Variants in MYO5B observed in about 807,000 individuals in gnomAD.
MYO5B encodes the protein unconventional myosin-Vb.
MYO5B carries 143 observed loss-of-function variants against 229.3 expected under a neutral mutation model. That is an observed-to-expected ratio of 0.62 (90% CI 0.54 to 0.72). MYO5B has a LOEUF of 0.72. Among genes scored for constraint, MYO5B ranks in the 30% least tolerant of loss-of-function variants. MYO5B has a pLI of 0.00. For synonymous variants in MYO5B, 918 were observed against 885.2 expected, an observed-to-expected ratio of 1.04 and a Z score of -0.66; for missense variants, 2,321 against 2,331.0, an observed-to-expected ratio of 1.00 and a Z score of 0.09.
chr18:49,915,851 C>G (rs2025007734), intron 17 of MYO5B, among the ~76,000 whole-genome samples: 1 of 152,204 alleles, frequency 6.6e-6, no homozygotes, highest in Non-Finnish European at 1.5e-5. Context: ...CTGAATTTCT[C>G]CCAGGCTCTT....
chr18:50,069,856 C>G lies in MYO5B; in HGVS notation c.28-14478G>C, dbSNP rs551264879. ...ATATTCAAGTTTAATTGAAGAGTTC[C>G]AACCAATCACCAAGACCTGTTTGTT... is the stretch of plus-strand genomic sequence containing the variant. On this transcript the variant is annotated intron_variant, in intron 1 of 39. Coordinates refer to ENST00000285039, the MANE Select transcript of MYO5B (RefSeq NM_001080467.3). Among the ~76,000 whole-genome samples, 12 of 152,176 alleles carry G rather than the reference C, an allele frequency of 7.9e-5. No homozygotes were observed. The East Asian group carries it at 2.3e-3, about 29-fold the overall frequency.
At chr18:50,054,225 C>T (rs1024310248) in intron 2 of MYO5B, among the ~76,000 whole-genome samples, 2 of 152,168 alleles carry the variant, frequency 1.3e-5, no homozygotes, top group African/African-American at 4.8e-5. Context: ...CTTCCCAAAA[C>T]CCCCTCTCCT....
chr18:50,176,982 A>G (rs2144342068), intron 1 of MYO5B, among the ~76,000 whole-genome samples: 1 of 152,344 alleles, frequency 6.6e-6, no homozygotes, highest in East Asian at 1.9e-4. Flanking sequence ...ATTGTAGCTA[A>G]CACCTATTCA....
intron 4 of MYO5B, among the ~76,000 whole-genome samples, chr18:50,007,661 C>T (rs935842809): frequency 8.5e-5 from 13 of 152,220 alleles, no homozygotes; most frequent in African/African-American, 2.4e-4. Flanking sequence ...TTCTCTCCCA[C>T]GTTGCAGTGG....
intron 4 of MYO5B, among the ~76,000 whole-genome samples, chr18:50,023,587 T>C (rs188468742): frequency 2.3e-3 from 344 of 152,148 alleles, no homozygotes; most frequent in Middle Eastern, 0.01. Context: ...CTTAGAAAAA[T>C]TGAAATATAT....
rs2023804580 is a variant in MYO5B at position 49,823,820 on chromosome 18, G to A, written c.*2651C>T. Reference sequence around the variant, plus strand: ...ATGTGTACATTCACATTTACTATAAGTAAACAGGTCCCGTATAATACTTAA... The same window carrying A: ...ATGTGTACATTCACATTTACTATAAATAAACAGGTCCCGTATAATACTTAA... On this transcript the variant is annotated 3_prime_UTR_variant, in exon 40 of 40. Coordinates refer to ENST00000285039, the MANE Select transcript of MYO5B (RefSeq NM_001080467.3). 6.6e-6 allele frequency: 1 copy of A among 152,520 alleles called. No individual in the cohort carries two copies. Among genetic ancestry groups the A allele is most frequent in the South Asian group, 2.1e-4 (1 of 4,826 alleles). 9.4% of individuals were successfully genotyped at this position (152,520 alleles called of 1,614,324 possible).
chr18:50,020,022 C>G (rs2144356683), intron 4 of MYO5B, among the ~76,000 whole-genome samples: 1 of 152,246 alleles, frequency 6.6e-6, no homozygotes, highest in African/African-American at 2.4e-5. Flanking sequence ...ACATCACACT[C>G]CAGCTCACCA....
Position 49,843,495 on chromosome 18 carries a change from A to T in MYO5B, c.4460-103T>A, listed in dbSNP as rs547270750. On this transcript the variant is annotated intron_variant, in intron 33 of 39. Coordinates refer to ENST00000285039, the MANE Select transcript of MYO5B (RefSeq NM_001080467.3). ...AGACGTGTTTTCAATATTTCCCCAT[A>T]GCTCATCTAGGAATAGATGTCTCAA... 65 of 1,406,578 alleles carry T rather than the reference A, an allele frequency of 4.6e-5. 1 individual carries two copies. In the South Asian group the frequency reaches 7.7e-4, roughly 17 times the overall value. 87.1% of individuals were successfully genotyped at this position (1,406,578 alleles called of 1,614,324 possible). A position where few individuals can be genotyped will look rare whatever the true frequency, so the allele number is the denominator to read the frequency against.
intron 9 of MYO5B, among the ~76,000 whole-genome samples, chr18:49,975,093 G>A (rs1351941653): frequency 6.6e-6 from 1 of 152,150 alleles, no homozygotes; most frequent in African/African-American, 2.4e-5. Context: ...CATCTGCTGA[G>A]GTATGCATGC....
intron 10 of MYO5B, chr18:49,970,720 G>C (rs1301492684): frequency 6.6e-6 from 1 of 152,166 alleles, no homozygotes; most frequent in Admixed American, 6.5e-5. Context: ...GAATGCCCTA[G>C]ATAGGCACTG....
intron 1 of MYO5B, among the ~76,000 whole-genome samples, chr18:50,150,632 A>G (rs1489069711): frequency 6.6e-6 from 1 of 152,154 alleles, no homozygotes; most frequent in Non-Finnish European, 1.5e-5. Context: ...GAATTGAACA[A>G]TGGGAACACA....
intron 10 of MYO5B, among the ~76,000 whole-genome samples, chr18:49,969,141 ATCT>A (rs2144271772): frequency 6.6e-6 from 1 of 152,298 alleles, no homozygotes; most frequent in Admixed American, 6.5e-5. Flanking sequence ...ATGTCCAGGG[ATCT>A]TCTGGGCTGT....
intron 1 of MYO5B, among the ~76,000 whole-genome samples, chr18:50,088,215 T>C (rs2031372989): frequency 1.3e-5 from 2 of 152,144 alleles, no homozygotes; most frequent in Non-Finnish European, 2.9e-5. Context: ...AGGTGGACCA[T>C]GGAGGACCCC....
At chr18:49,856,913 C>T (rs1190167591) in intron 29 of MYO5B, 23 bp from the exon 30 acceptor site, 1 of 1,585,920 alleles carries the variant, frequency 6.3e-7, no homozygotes, top group African/African-American at 1.3e-5. Flanking sequence ...GACAGAAAAA[C>T]AGGGTGTCCA....
chr18:49,989,610 A>G (rs2025907642), intron 7 of MYO5B, among the ~76,000 whole-genome samples: 1 of 152,200 alleles, frequency 6.6e-6, no homozygotes, highest in African/African-American at 2.4e-5. Flanking sequence ...CACACAGAGA[A>G]GGGCCAAAGG....
chr18:50,032,986 C>CA (rs113726811), intron 4 of MYO5B, among the ~76,000 whole-genome samples: 210 of 142,034 alleles, frequency 1.5e-3, no homozygotes, highest in South Asian at 4.2e-3. Flanking sequence ...AAACTCATCT[C>CA]AAAAAAAAAA....
chr18:49,893,866 T>G (rs11876653), intron 22 of MYO5B, among the ~76,000 whole-genome samples: 2,911 of 152,222 alleles, frequency 0.019, 105 homozygotes, highest in African/African-American at 0.068. Flanking sequence ...GAAAAGGCAG[T>G]GGGAAATAGA....
At chr18:49,854,162 C>T (rs1248720644) in intron 30 of MYO5B, among the ~76,000 whole-genome samples, 1 of 152,120 alleles carries the variant, frequency 6.6e-6, no homozygotes, top group Non-Finnish European at 1.5e-5. Flanking sequence ...TTATCTTTAC[C>T]ATTATTACTA....
intron 17 of MYO5B, among the ~76,000 whole-genome samples, chr18:49,922,118 A>T (rs902507618): frequency 6.6e-6 from 1 of 152,194 alleles, no homozygotes; most frequent in African/African-American, 2.4e-5. Flanking sequence ...AAGGTCTCCT[A>T]AAGTCACATC....
Sources: gnomAD v4.1 joint callset for allele counts (sites outside exome capture counted in the v4.1 genomes callset) on GRCh38, gnomAD v4.1.1 for gene constraint, MANE v1.5 for transcripts, NCBI Gene and HGNC (gene_info 2026-07-23, HGNC 2026-07-21) for gene names.